The following PKIB variants were observed in gnomAD, a reference collection of about 807,000 sequenced individuals.
The protein encoded by PKIB is PKI-beta.
Under a neutral mutation model 4.5 loss-of-function variants are expected in PKIB, and 2 were observed. That is an observed-to-expected ratio of 0.44 (90% CI 0.18 to 1.39). The LOEUF is 1.39. PKIB is among the 40% of genes most tolerant of loss of function. The probability of loss-of-function intolerance (pLI) is 0.27; values close to 1 mark genes in which losing one functional copy is unlikely to be tolerated. For synonymous variants in PKIB, 38 were observed against 36.0 expected, an observed-to-expected ratio of 1.06 and a Z score of -0.20; for missense variants, 94 against 92.6, an observed-to-expected ratio of 1.02 and a Z score of -0.06.
At chr6:122,579,548 A>G (rs1191055731) in intron 2 of PKIB, among the ~76,000 whole-genome samples, 2 of 152,200 alleles carry the variant, frequency 1.3e-5, no homozygotes, top group African/African-American at 4.8e-5. Flanking sequence ...ACTCATATTT[A>G]TGGCTCTTTA....
chr6:122,540,619 A>G lies in PKIB; in HGVS notation c.-247-45302A>G, dbSNP rs565548572. On this transcript the variant is annotated intron_variant, in intron 2 of 6. Coordinates refer to the PKIB transcript ENST00000392491. ...CTTCCAACTATGTGGTCAATTTTGG[A>G]ATAGGTGTGGTGTGGTGCTGAAAAA... Among the ~76,000 whole-genome samples the G allele has an allele frequency of 3.2e-3, 487 of 151,822 alleles. 7 individuals carry two copies. The highest frequency in any genetic ancestry group is 0.011 in the African/African-American group (469 of 41,302).
chr6:122,471,942 A>C (rs1009199496), exon 1 of PKIB: 2 of 1,188,830 alleles, frequency 1.7e-6, no homozygotes, highest in Non-Finnish European at 2.3e-6. Context: ...TCACTAGACG[A>C]CACGGCTGTC....
At chr6:122,503,038 C>A (rs977911245) in intron 2 of PKIB, among the ~76,000 whole-genome samples, 4 of 152,110 alleles carry the variant, frequency 2.6e-5, no homozygotes, top group Non-Finnish European at 5.9e-5. Flanking sequence ...GCTTCATATG[C>A]GGTCTTCTCT....
chr6:122,654,130 C>T (rs1375960303), intron 2 of PKIB, among the ~76,000 whole-genome samples: 4 of 152,124 alleles, frequency 2.6e-5, no homozygotes, highest in Admixed American at 2.0e-4. Context: ...TCCATTGCCT[C>T]GTCTAGTCTT....
intron 2 of PKIB, among the ~76,000 whole-genome samples, chr6:122,519,497 T>A (rs757360145): frequency 1.7e-4 from 26 of 152,128 alleles, no homozygotes; most frequent in Non-Finnish European, 3.7e-4. Flanking sequence ...ATGAAACTTG[T>A]CCCTGGTGTC....
At chr6:122,543,501 T>A (rs1158664313) in intron 2 of PKIB, among the ~76,000 whole-genome samples, 5 of 151,862 alleles carry the variant, frequency 3.3e-5, no homozygotes, top group Non-Finnish European at 7.4e-5. Context: ...TGCTTCAGCC[T>A]CCCAAGTAGC....
At chr6:122,524,667 C>A (rs901766927) in intron 2 of PKIB, among the ~76,000 whole-genome samples, 5 of 151,840 alleles carry the variant, frequency 3.3e-5, no homozygotes, top group African/African-American at 1.2e-4. Flanking sequence ...TTTTATTGGC[C>A]TGTTCAGATT....
intron 1 of PKIB, among the ~76,000 whole-genome samples, chr6:122,628,317 G>A (rs1045099042): frequency 2.0e-5 from 3 of 152,150 alleles, no homozygotes; most frequent in African/African-American, 4.8e-5. Flanking sequence ...GATTACAGGC[G>A]TGAGCCACCG....
intron 1 of PKIB, among the ~76,000 whole-genome samples, chr6:122,612,355 T>C (rs1774795041): frequency 6.6e-6 from 1 of 152,160 alleles, no homozygotes; most frequent in African/African-American, 2.4e-5. Flanking sequence ...ACCATTACCA[T>C]ATCTGGTTTT....
chr6:122,547,732 C>T (rs1405395638), intron 2 of PKIB, among the ~76,000 whole-genome samples: 3 of 128,254 alleles, frequency 2.3e-5, no homozygotes, highest in African/African-American at 5.7e-5. Context: ...CCGGCTCTCC[C>T]TACAGGGTCA....
intron 1 of PKIB, among the ~76,000 whole-genome samples, chr6:122,473,312 G>A (rs1775360068): frequency 6.6e-6 from 1 of 152,280 alleles, no homozygotes; most frequent in Non-Finnish European, 1.5e-5. Context: ...GCCAAATGGA[G>A]AATGGGTCTC....
At chr6:122,506,660 A>G (rs1272152282) in intron 2 of PKIB, among the ~76,000 whole-genome samples, 1 of 150,698 alleles carries the variant, frequency 6.6e-6, no homozygotes, top group Admixed American at 6.6e-5. Flanking sequence ...TTTTATAGGA[A>G]TTATTTTGTA....
chr6:122,587,004 AAAAC>A (rs1773869363), intron 3 of PKIB, among the ~76,000 whole-genome samples: 1 of 152,146 alleles, frequency 6.6e-6, no homozygotes, highest in Non-Finnish European at 1.5e-5. Context: ...TTTATTAAAT[AAAAC>A]AAACTAAATA....
intron 3 of PKIB, among the ~76,000 whole-genome samples, chr6:122,602,091 T>C (rs1421748384): frequency 1.3e-5 from 2 of 152,050 alleles, no homozygotes; most frequent in South Asian, 2.1e-4. Context: ...TGAAGTCTGG[T>C]TGTAAAGGAA....
At chr6:122,495,389 C>G (rs992306275) in intron 2 of PKIB, among the ~76,000 whole-genome samples, 1 of 152,146 alleles carries the variant, frequency 6.6e-6, no homozygotes, top group Non-Finnish European at 1.5e-5. Flanking sequence ...TCTGAAAGCC[C>G]AACCCCCACA....
rs1463597435 is a variant in PKIB at position 122,649,574 on chromosome 6, C to T, written c.-76+16207C>T. 2.6e-5 allele frequency among the ~76,000 whole-genome samples: 4 copies of T among 152,260 alleles called. No homozygotes were observed. The East Asian group carries it at 7.7e-4, about 29-fold the overall frequency. ...TTGGGCCACTTCCTTATGTAGATTACTTGAGCCTGTTTCAGCTCAATCTTA... is the reference window on the plus strand; with the variant it reads ...TTGGGCCACTTCCTTATGTAGATTATTTGAGCCTGTTTCAGCTCAATCTTA... On this transcript the variant is annotated intron_variant, in intron 2 of 4. Transcript: ENST00000368452.
intron 2 of PKIB, among the ~76,000 whole-genome samples, chr6:122,657,371 C>T (rs761815972): frequency 6.6e-6 from 1 of 152,100 alleles, no homozygotes; most frequent in Non-Finnish European, 1.5e-5. Flanking sequence ...GTGGTTATTC[C>T]GTTGGCTTGC....
At chr6:122,637,442 A>G (rs1775965100) in intron 2 of PKIB, among the ~76,000 whole-genome samples, 1 of 152,168 alleles carries the variant, frequency 6.6e-6, no homozygotes, top group Admixed American at 6.5e-5. Context: ...TGTGAAGAAT[A>G]CATAATATAT....
intron 2 of PKIB, among the ~76,000 whole-genome samples, chr6:122,558,979 A>G (rs530843987): frequency 1.3e-5 from 2 of 152,292 alleles, no homozygotes; most frequent in East Asian, 3.9e-4. Context: ...TAGCTCCCAC[A>G]TATCAGTGAG....
Sources: allele counts gnomAD v4.1 joint callset (sites outside exome capture counted in the v4.1 genomes callset), GRCh38; gene constraint gnomAD v4.1.1; transcripts MANE v1.5; gene names NCBI Gene and HGNC (gene_info 2026-07-23, HGNC 2026-07-21).